Variants in AFAP1 observed in about 807,000 individuals in gnomAD.
AFAP1 encodes actin filament associated protein 1.
AFAP1 carries 75 observed loss-of-function variants against 93.9 expected under a neutral mutation model. That is an observed-to-expected ratio of 0.80 (90% confidence interval 0.66 to 0.97). The LOEUF is 0.97. Ranked by LOEUF, AFAP1 falls within the 50% of genes least tolerant of loss-of-function variation. The probability of loss-of-function intolerance (pLI) is 0.00; values close to 1 mark genes in which losing one functional copy is unlikely to be tolerated. For synonymous variants in AFAP1, 517 were observed against 430.7 expected (o/e 1.20, Z -2.48); for missense variants, 1,201 against 1,050.8 (o/e 1.14, Z -1.98).
intron 1 of AFAP1, among the ~76,000 whole-genome samples, chr4:7,905,596 T>C (rs1211823591): frequency 1.3e-5 from 2 of 152,210 alleles, no homozygotes; most frequent in African/African-American, 4.8e-5. Flanking sequence ...AAAAATTCCT[T>C]TCCCTCACTT....
chr4:7,784,065 A>G (rs1717033458), intron 12 of AFAP1, among the ~76,000 whole-genome samples: 1 of 46,250 alleles, frequency 2.2e-5, no homozygotes, highest in Non-Finnish European at 3.6e-5. Context: ...GGCAGGAACT[A>G]GCCTGAGAGC....
intron 7 of AFAP1, among the ~76,000 whole-genome samples, chr4:7,816,406 A>G (rs1182929518): frequency 6.6e-6 from 1 of 152,230 alleles, no homozygotes; most frequent in African/African-American, 2.4e-5. Context: ...TTTGAAAAAA[A>G]TATTATGATT....
rs1288260871 is a variant in AFAP1 at position 7,911,163 on chromosome 4, C to G, written c.-3+28493G>C. 2.0e-5 allele frequency among the ~76,000 whole-genome samples: 3 copies of G among 152,116 alleles called. No homozygotes were observed. In the East Asian group the frequency reaches 5.8e-4, roughly 29 times the overall value. Reference sequence around the variant, plus strand: ...ACTTGGCAAGTTACCACGAAATGACCCCTCCACTCCTCCCTGGGGGAAGGC... The same window carrying G: ...ACTTGGCAAGTTACCACGAAATGACGCCTCCACTCCTCCCTGGGGGAAGGC... On this transcript the variant is annotated intron_variant, in intron 1 of 17. Coordinates refer to ENST00000420658, the MANE Select transcript of AFAP1 (RefSeq NM_001134647.2).
intron 14 of AFAP1, chr4:7,777,925 T>C (rs1441930012): frequency 6.6e-6 from 1 of 152,216 alleles, no homozygotes; most frequent in African/African-American, 2.4e-5. Context: ...ACATCCAACA[T>C]AATGAGGACT....
chr4:7,929,424 A>C (rs914196829), intron 1 of AFAP1, among the ~76,000 whole-genome samples: 6 of 152,244 alleles, frequency 3.9e-5, no homozygotes, highest in African/African-American at 1.2e-4. Context: ...AAAAACAAAG[A>C]GAATTCAGGA....
intron 11 of AFAP1, among the ~76,000 whole-genome samples, chr4:7,793,216 C>T (rs1718054331): frequency 6.6e-6 from 1 of 151,998 alleles, no homozygotes; most frequent in Non-Finnish European, 1.5e-5. Flanking sequence ...TGACGGATAG[C>T]TTTGAAAACT....
At chr4:7,857,986 T>C (rs998914238) in intron 3 of AFAP1, among the ~76,000 whole-genome samples, 1 of 152,152 alleles carries the variant, frequency 6.6e-6, no homozygotes, top group Non-Finnish European at 1.5e-5. Context: ...AAACCACATA[T>C]GAAAAAAACC....
At chr4:7,820,532 G>GA (rs940252740) in intron 6 of AFAP1, among the ~76,000 whole-genome samples, 2 of 152,128 alleles carry the variant, frequency 1.3e-5, no homozygotes, top group Non-Finnish European at 2.9e-5. Flanking sequence ...GAAGGCACGG[G>GA]AAAGCAGGCA....
At chr4:7,884,563 C>A (rs1718036360) in intron 1 of AFAP1, among the ~76,000 whole-genome samples, 2 of 152,024 alleles carry the variant, frequency 1.3e-5, no homozygotes, top group Non-Finnish European at 2.9e-5. Context: ...AGTAATAGAC[C>A]CAAATACACA....
chr4:7,773,081 G>C, intron 15 of AFAP1, 71 bp from the exon 16 acceptor site: 1 of 1,516,336 alleles, frequency 6.6e-7, no homozygotes, highest in South Asian at 1.3e-5. Context: ...AAGGCACCTG[G>C]TCCCCAAGAA....
At chr4:7,929,179 GCTTT>G (rs141610678) in intron 1 of AFAP1, among the ~76,000 whole-genome samples, 1,608 of 152,220 alleles carry the variant, frequency 0.011, 30 homozygotes, top group African/African-American at 0.037. Context: ...CTGTACAACA[GCTTT>G]CTTTGTCCTC....
intron 6 of AFAP1, among the ~76,000 whole-genome samples, chr4:7,822,111 C>T (rs1450266038): frequency 6.6e-6 from 1 of 152,094 alleles, no homozygotes; most frequent in African/African-American, 2.4e-5. Flanking sequence ...AATGACAAGG[C>T]AAATTTTTAT....
intron 8 of AFAP1, among the ~76,000 whole-genome samples, chr4:7,812,384 C>T (rs890026179): frequency 2.0e-5 from 3 of 152,054 alleles, no homozygotes; most frequent in Non-Finnish European, 4.4e-5. Context: ...TCGACTCTGA[C>T]TGCAAAGAAA....
Position 7,867,793 on chromosome 4 carries a change from T to C in AFAP1, c.225+829A>G, listed in dbSNP as rs532577014. On this transcript the variant is annotated intron_variant, in intron 3 of 17. Coordinates refer to ENST00000420658, the MANE Select transcript of AFAP1 (RefSeq NM_001134647.2). ...AACCCAGTAAGTGCTTGTTTCCCTCTGTGCCCACTGCAGTGAGAAGCCCTG... is the reference window on the plus strand; with the variant it reads ...AACCCAGTAAGTGCTTGTTTCCCTCCGTGCCCACTGCAGTGAGAAGCCCTG... Among the ~76,000 whole-genome samples the C allele has an allele frequency of 2.0e-4, 30 of 151,658 alleles. No individual in the cohort carries two copies. The East Asian group carries it at 5.6e-3, about 28-fold the overall frequency.
chr4:7,810,155 G>C (rs527897448), intron 8 of AFAP1, among the ~76,000 whole-genome samples: 47 of 152,336 alleles, frequency 3.1e-4, no homozygotes, highest in African/African-American at 1.1e-3. Context: ...GAGCCACCGT[G>C]CCCGGCCTTT....
Position 7,762,545 on chromosome 4 carries a change from C to T in AFAP1, c.*1220G>A, listed in dbSNP as rs992907212. ...TAAACCCAGGGGGTAAATACCAGCTCAAACTATGAACTCTGTTTTTTTCCT... is the reference window on the plus strand; with the variant it reads ...TAAACCCAGGGGGTAAATACCAGCTTAAACTATGAACTCTGTTTTTTTCCT... On this transcript the variant is annotated 3_prime_UTR_variant, in exon 18 of 18. Coordinates refer to ENST00000420658, the MANE Select transcript of AFAP1 (RefSeq NM_001134647.2). 2 of 152,236 alleles carry T rather than the reference C, an allele frequency of 1.3e-5. No homozygotes were observed. Among genetic ancestry groups the T allele is most frequent in the African/African-American group, 4.8e-5 (2 of 41,464 alleles). The allele number at this position is 152,236 out of a possible 1,614,324, so 9.4% of individuals were successfully genotyped here.
chr4:7,875,246 T>A (rs540354291), intron 1 of AFAP1, among the ~76,000 whole-genome samples: 1 of 152,318 alleles, frequency 6.6e-6, no homozygotes, highest in South Asian at 2.1e-4. Flanking sequence ...AGATCCATAC[T>A]GAGGCTGCCG....
In AFAP1 at chr4:7,809,791, C is replaced by T. The variant is rs1160638532; in HGVS notation, c.905-28G>A. On this transcript the variant is annotated intron_variant, in intron 8 of 17. Coordinates refer to ENST00000420658, the MANE Select transcript of AFAP1 (RefSeq NM_001134647.2). Reference sequence around the variant, plus strand: ...GTCAAGAGTAACAACAGCAAAAAAGCATGTTTTAATTGTAGATATTAATTG... The same window carrying T: ...GTCAAGAGTAACAACAGCAAAAAAGTATGTTTTAATTGTAGATATTAATTG... The T allele has an allele frequency of 4.4e-6, 7 of 1,589,300 alleles. No homozygotes were observed. In the East Asian group the frequency reaches 1.6e-4, roughly 36 times the overall value.
At chr4:7,914,212 G>A (rs1719932587) in intron 1 of AFAP1, among the ~76,000 whole-genome samples, 1 of 151,772 alleles carries the variant, frequency 6.6e-6, no homozygotes, top group Non-Finnish European at 1.5e-5. Context: ...CCACCACCAC[G>A]CCCAGCTAAT....
Sources: allele counts gnomAD v4.1 joint callset (sites outside exome capture counted in the v4.1 genomes callset), GRCh38; gene constraint gnomAD v4.1.1; transcripts MANE v1.5; gene names NCBI Gene and HGNC (gene_info 2026-07-23, HGNC 2026-07-21).